Variants in GSTCD observed in about 807,000 individuals in gnomAD.
The protein encoded by GSTCD is glutathione S-transferase C-terminal domain containing.
Under a neutral mutation model 68.3 loss-of-function variants are expected in GSTCD, and 44 were observed. The observed-to-expected ratio is 0.64, with a 90% CI of 0.51 to 0.83. GSTCD has a LOEUF of 0.83. Among genes scored for constraint, GSTCD ranks in the 40% least tolerant of loss-of-function variants. GSTCD has a pLI of 0.00. For missense variants in GSTCD, 739 were observed against 735.9 expected (o/e 1.00, Z -0.05); for synonymous variants, 273 against 255.2 (o/e 1.07, Z -0.67).
chr4:105,756,912 A>G (rs112436553), intron 5 of GSTCD, among the ~76,000 whole-genome samples: 1 of 152,200 alleles, frequency 6.6e-6, no homozygotes, highest in African/African-American at 2.4e-5. Context: ...ATCTACATGC[A>G]TTATAGTTCA....
At chr4:105,791,269 T>G (rs1735658004) in intron 5 of GSTCD, among the ~76,000 whole-genome samples, 1 of 151,412 alleles carries the variant, frequency 6.6e-6, no homozygotes, top group Admixed American at 6.6e-5. Flanking sequence ...GGTGGGCGCC[T>G]GTAGTCCCAG....
At chr4:105,827,422 T>C (rs1723689950) in intron 8 of GSTCD, among the ~76,000 whole-genome samples, 1 of 152,342 alleles carries the variant, frequency 6.6e-6, no homozygotes, top group Middle Eastern at 3.4e-3. Flanking sequence ...AATTTTTCTC[T>C]ACATTTTGTA....
At chr4:105,743,990 A>G (rs1272071148) in intron 5 of GSTCD, among the ~76,000 whole-genome samples, 3 of 152,214 alleles carry the variant, frequency 2.0e-5, no homozygotes, top group Non-Finnish European at 4.4e-5. Context: ...TCGTTATAGT[A>G]TAGTTATCAA....
intron 5 of GSTCD, among the ~76,000 whole-genome samples, chr4:105,781,134 A>T (rs934671247): frequency 6.6e-6 from 1 of 152,256 alleles, no homozygotes; most frequent in Non-Finnish European, 1.5e-5. Context: ...CCTCTCACCC[A>T]GTACTTTGAT....
chr4:105,843,117 T>A (rs1724421891), intron 11 of GSTCD, among the ~76,000 whole-genome samples: 1 of 152,208 alleles, frequency 6.6e-6, no homozygotes, highest in South Asian at 2.1e-4. Context: ...ATGAAGCTGT[T>A]AGCTTACATT....
chr4:105,783,413 A>C (rs937176888), intron 5 of GSTCD, among the ~76,000 whole-genome samples: 1 of 152,146 alleles, frequency 6.6e-6, no homozygotes, highest in African/African-American at 2.4e-5. Context: ...GTTGGTGTTG[A>C]CCTATATGCC....
At chr4:105,827,021 C>T (rs917955011) in intron 8 of GSTCD, 7 of 152,128 alleles carry the variant, frequency 4.6e-5, no homozygotes, top group African/African-American at 7.2e-5. Flanking sequence ...ACACGATCTA[C>T]AGTTTACTTC....
At chr4:105,779,984 C>G (rs1197442146) in intron 5 of GSTCD, among the ~76,000 whole-genome samples, 1 of 152,110 alleles carries the variant, frequency 6.6e-6, no homozygotes, top group African/African-American at 2.4e-5. Context: ...TTATTTTCCC[C>G]TCAAGAGAGA....
At chr4:105,826,273 T>C (rs1372704913) in intron 8 of GSTCD, among the ~76,000 whole-genome samples, 4 of 152,122 alleles carry the variant, frequency 2.6e-5, no homozygotes, top group Non-Finnish European at 5.9e-5. Flanking sequence ...AGAAAGTATA[T>C]TGATCATGTT....
intron 5 of GSTCD, among the ~76,000 whole-genome samples, chr4:105,800,572 A>C (rs534553165): frequency 6.6e-6 from 1 of 152,354 alleles, no homozygotes; most frequent in South Asian, 2.1e-4. Context: ...CTATAAAGCA[A>C]AATGATGGAT....
intron 3 of GSTCD, among the ~76,000 whole-genome samples, chr4:105,722,280 G>A (rs970764411): frequency 4.6e-5 from 7 of 151,732 alleles, no homozygotes; most frequent in South Asian, 2.1e-4. Flanking sequence ...TGTTCCCATC[G>A]GCATAAAGTT....
chr4:105,769,960 G>A (rs1734778365), intron 5 of GSTCD, among the ~76,000 whole-genome samples: 2 of 151,956 alleles, frequency 1.3e-5, no homozygotes, highest in African/African-American at 4.8e-5. Context: ...ATATTGTTAC[G>A]TTTTGCAGGC....
At chr4:105,757,764 AG>A (rs1195202142) in intron 5 of GSTCD, among the ~76,000 whole-genome samples, 1 of 152,186 alleles carries the variant, frequency 6.6e-6, no homozygotes. Flanking sequence ...TTTCACAAGG[AG>A]ATATATTCCC....
chr4:105,726,282 T>G (rs1733030513), intron 3 of GSTCD, among the ~76,000 whole-genome samples: 1 of 152,210 alleles, frequency 6.6e-6, no homozygotes, highest in Non-Finnish European at 1.5e-5. Flanking sequence ...CCACATTTTA[T>G]GATTCCATTT....
chr4:105,718,183 T>G (rs528916423), intron 2 of GSTCD, 144 bp downstream of exon 2: 1 of 652,594 alleles, frequency 1.5e-6, no homozygotes, highest in African/African-American at 1.8e-5. Flanking sequence ...AAAGTAGCCC[T>G]TTGATATAGT....
chr4:105,730,290 T>C (rs963769589), intron 5 of GSTCD, among the ~76,000 whole-genome samples: 3 of 152,358 alleles, frequency 2.0e-5, no homozygotes, highest in Middle Eastern at 3.4e-3. Context: ...ATGGTATTTC[T>C]AGTTCTAGCT....
chr4:105,805,662 A>G (rs996048752), intron 5 of GSTCD, among the ~76,000 whole-genome samples: 2 of 152,138 alleles, frequency 1.3e-5, no homozygotes. Context: ...CAAATCAAAC[A>G]ATGTACCCTT....
chr4:105,820,634 G>A (rs1161293099), intron 5 of GSTCD: 2 of 151,876 alleles, frequency 1.3e-5, no homozygotes, highest in African/African-American at 4.8e-5. Context: ...TTTATTAGAG[G>A]CAGCTTTTCC....
intron 5 of GSTCD, among the ~76,000 whole-genome samples, chr4:105,767,226 G>A (rs1330937386): frequency 1.3e-5 from 2 of 152,156 alleles, no homozygotes; most frequent in African/African-American, 2.4e-5. Flanking sequence ...CATGTGATTG[G>A]CTGAAACTCG....
Sources: allele counts gnomAD v4.1 joint callset (sites outside exome capture counted in the v4.1 genomes callset), GRCh38; gene constraint gnomAD v4.1.1; transcripts MANE v1.5; gene names NCBI Gene and HGNC (gene_info 2026-07-23, HGNC 2026-07-21).